HNRNPLL: variants seen among roughly 807,000 people sequenced by gnomAD.
HNRNPLL encodes heterogeneous nuclear ribonucleoprotein L like.
A neutral mutation model predicts 67.1 loss-of-function variants in HNRNPLL; 25 were observed. The ratio of observed to expected loss-of-function variants is 0.37; its 90% confidence interval spans 0.27 to 0.52. The LOEUF (loss-of-function observed/expected upper bound fraction) is 0.52. Ranked by LOEUF, HNRNPLL falls within the 20% of genes least tolerant of loss-of-function variation. The pLI is 0.90. For synonymous variants in HNRNPLL, 267 were observed against 241.7 expected (o/e 1.10, Z -0.97); for missense variants, 542 against 673.9 (o/e 0.80, Z 2.17).
At chr2:38,564,996 GA>G (rs555303643) in intron 12 of HNRNPLL, among the ~76,000 whole-genome samples, 23 of 118,434 alleles carry the variant, frequency 1.9e-4, no homozygotes, top group South Asian at 8.0e-4. Context: ...TGAAATTACT[GA>G]AAAAAAAAAA....
In HNRNPLL at chr2:38,577,392, T is replaced by C. The variant is rs1002116293; in HGVS notation, c.874+69A>G. Reference sequence around the variant, plus strand: ...GGAAAAATAGACAAGAAATGTGCCATACTTCATCAGAAATGCAGCAAGTCA... The same window carrying C: ...GGAAAAATAGACAAGAAATGTGCCACACTTCATCAGAAATGCAGCAAGTCA... On this transcript the variant is annotated intron_variant, in intron 7 of 12. Coordinates refer to ENST00000449105, the MANE Select transcript of HNRNPLL (RefSeq NM_138394.4). The C allele has an allele frequency of 5.2e-6, 5 of 952,972 alleles. 1 individual carries two copies. The highest frequency in any genetic ancestry group is 5.2e-5 in the South Asian group (4 of 76,746). 59.0% of individuals were successfully genotyped at this position (952,972 alleles called of 1,614,324 possible).
intron 1 of HNRNPLL, 69 bp downstream of exon 1, chr2:38,602,369 C>T (rs1667477462): frequency 6.9e-7 from 1 of 1,439,914 alleles, no homozygotes; most frequent in African/African-American, 1.4e-5. Flanking sequence ...AAGCGGGAGG[C>T]CCCGCACCGA....
chr2:38,601,779 T>C (rs1667447277), intron 1 of HNRNPLL, among the ~76,000 whole-genome samples: 1 of 152,232 alleles, frequency 6.6e-6, no homozygotes, highest in Non-Finnish European at 1.5e-5. Flanking sequence ...TACCAACAGC[T>C]GCCAACACTT....
At chr2:38,593,607 G>A (rs1667053922) in intron 1 of HNRNPLL, among the ~76,000 whole-genome samples, 1 of 152,104 alleles carries the variant, frequency 6.6e-6, no homozygotes, top group African/African-American at 2.4e-5. Flanking sequence ...ACCAAATGCT[G>A]GGCCAGACGT....
rs149589265 is a variant in HNRNPLL, at chr2:38,588,889, C to A, written c.308+2641G>T. Among the ~76,000 whole-genome samples, 73 of 152,042 alleles carry A rather than the reference C, an allele frequency of 4.8e-4. 4 individuals are homozygous for A. In the East Asian group the frequency reaches 0.014, roughly 29 times the overall value. On this transcript the variant is annotated intron_variant, in intron 2 of 12. Coordinates refer to ENST00000449105, the MANE Select transcript of HNRNPLL (RefSeq NM_138394.4). ...TAATACGAGAAACAGTGGGAGATCA[C>A]AGAGAGAAAAGGCTAAAGAAACAAA... is the stretch of plus-strand genomic sequence containing the variant.
intron 2 of HNRNPLL, among the ~76,000 whole-genome samples, chr2:38,589,334 G>A (rs1166728065): frequency 6.6e-6 from 1 of 152,018 alleles, no homozygotes; most frequent in South Asian, 2.1e-4. Context: ...TTTCTATACT[G>A]TTTATAATCC....
intron 10 of HNRNPLL, 152 bp from the exon 11 acceptor site, chr2:38,568,595 GA>G (rs777923242): frequency 3.4e-6 from 2 of 590,016 alleles, no homozygotes; most frequent in Non-Finnish European, 6.0e-6. Context: ...CAAGCTGTAT[GA>G]AAAAATCAAT....
intron 1 of HNRNPLL, among the ~76,000 whole-genome samples, chr2:38,595,194 T>A (rs989404361): frequency 7.1e-6 from 1 of 141,336 alleles, no homozygotes; most frequent in African/African-American, 2.7e-5. Flanking sequence ...GTGGAAGGAC[T>A]GCTTGAACCC....
Position 38,562,704 on chromosome 2 carries a change from A to C in HNRNPLL, c.*1478T>G, listed in dbSNP as rs1051962983. 1.3e-5 allele frequency: 2 copies of C among 152,102 alleles called. No homozygotes were observed. Among genetic ancestry groups the C allele is most frequent in the African/African-American group, 4.8e-5 (2 of 41,458 alleles). The allele number at this position is 152,102 out of a possible 1,614,324, so 9.4% of individuals were successfully genotyped here. A position where few individuals can be genotyped will look rare whatever the true frequency, so the allele number is the denominator to read the frequency against. On this transcript the variant is annotated 3_prime_UTR_variant, in exon 13 of 13. Transcript: ENST00000449105. ...ACTGGGTTCTGTGATAAGGGTCTAA[A>C]ATACTTCTAGATTAAATTTAATTTT...
At chr2:38,577,384 A>G (rs1038297655) in intron 7 of HNRNPLL, 77 bp downstream of exon 7, 1 of 905,478 alleles carries the variant, frequency 1.1e-6, no homozygotes, top group Admixed American at 1.7e-5. Context: ...TAGACAAGAA[A>G]TGTGCCATAC....
intron 12 of HNRNPLL, among the ~76,000 whole-genome samples, chr2:38,567,733 T>G (rs1311507198): frequency 2.0e-5 from 3 of 152,184 alleles, no homozygotes; most frequent in African/African-American, 7.2e-5. Flanking sequence ...AATGTTAGGT[T>G]ATAAAAAACA....
intron 1 of HNRNPLL, among the ~76,000 whole-genome samples, chr2:38,593,850 G>C (rs566766602): frequency 5.7e-5 from 7 of 122,748 alleles, no homozygotes; most frequent in African/African-American, 2.0e-4. Context: ...GCGACGGAGT[G>C]AGACTCCGTC....
chr2:38,561,971 C>T lies in HNRNPLL; in HGVS notation c.*2211G>A, dbSNP rs1371737953. 1 of 152,186 alleles carries T rather than the reference C, an allele frequency of 6.6e-6. No homozygotes were observed. The highest frequency in any genetic ancestry group is 1.5e-5 in the Non-Finnish European group (1 of 68,020). The allele number at this position is 152,186 out of a possible 1,614,324, so 9.4% of individuals were successfully genotyped here. Reference sequence around the variant, plus strand: ...AGGATTTTAAAAGGCAGCTCATATTCCATAACTCAGTTTGGCAGATTTATT... The same window carrying T: ...AGGATTTTAAAAGGCAGCTCATATTTCATAACTCAGTTTGGCAGATTTATT... On this transcript the variant is annotated 3_prime_UTR_variant, in exon 13 of 13. Coordinates refer to ENST00000449105, the MANE Select transcript of HNRNPLL (RefSeq NM_138394.4).
At chr2:38,600,087 T>C (rs188829885) in intron 1 of HNRNPLL, 16 of 230,798 alleles carry the variant, frequency 6.9e-5, no homozygotes, top group African/African-American at 2.3e-4. Context: ...CAGGTTTCCA[T>C]AGTTGCCATG....
chr2:38,575,647 T>C (rs989545599), intron 7 of HNRNPLL, among the ~76,000 whole-genome samples: 2 of 151,776 alleles, frequency 1.3e-5, no homozygotes, highest in Non-Finnish European at 3.0e-5. Flanking sequence ...AATCTATGGG[T>C]CCTGAACCAT....
intron 1 of HNRNPLL, among the ~76,000 whole-genome samples, chr2:38,598,630 G>A (rs919797948): frequency 6.6e-6 from 1 of 152,198 alleles, no homozygotes; most frequent in South Asian, 2.1e-4. Context: ...TATGGTAGAA[G>A]CTCAATTATT....
chr2:38,585,813 T>G lies in HNRNPLL; in HGVS notation c.377A>C (p.Glu126Ala), dbSNP rs1245342571. Residue 126 changes from glutamate (E) to alanine (A), a missense_variant, in exon 3 of 13, where the codon GAA becomes GCA. Physicochemically the swap from Glu to Ala is moderately radical, Grantham distance 107. Around this residue, in one of 2 missense-constraint regions of HNRNPLL, gnomAD observed 415 missense variants for 575.2 expected, o/e 0.72. Coordinates refer to ENST00000449105, the MANE Select transcript of HNRNPLL (RefSeq NM_138394.4). ...TTCATCTGCAGCAAATGTCACACATTCTTTGGCACTATCTATGTTTTCAAA... is the reference window on the plus strand; with the variant it reads ...TTCATCTGCAGCAAATGTCACACATGCTTTGGCACTATCTATGTTTTCAAA... ...VEFENIDSAKECVTFAADEPV... is the reference protein window; with the variant it reads ...VEFENIDSAKACVTFAADEPV... The G allele has an allele frequency of 6.2e-7, 1 of 1,614,116 alleles. No homozygotes were observed. Among genetic ancestry groups the G allele is most frequent in the Admixed American group, 1.7e-5 (1 of 60,016 alleles).
At chr2:38,571,287 A>G (rs975885168) in intron 8 of HNRNPLL, among the ~76,000 whole-genome samples, 1 of 152,168 alleles carries the variant, frequency 6.6e-6, no homozygotes, top group Non-Finnish European at 1.5e-5. Flanking sequence ...TTACGTGAAC[A>G]TGCTCTCTCT....
chr2:38,577,379 A>G, intron 7 of HNRNPLL, 82 bp downstream of exon 7: 1 of 887,454 alleles, frequency 1.1e-6, no homozygotes, highest in Non-Finnish European at 1.9e-6. Context: ...AAAAATAGAC[A>G]AGAAATGTGC....
Sources: gnomAD v4.1 joint callset for allele counts (sites outside exome capture counted in the v4.1 genomes callset) on GRCh38, gnomAD v4.1.1 for gene constraint, gnomAD v4.1.1 regional missense constraint, MANE v1.5 for transcripts, NCBI Gene and HGNC (gene_info 2026-07-23, HGNC 2026-07-21) for gene names.